Variants in ZNF658 observed in about 807,000 individuals in gnomAD.
ZNF658 encodes the protein zinc finger protein 658.
ZNF658 carries 46 observed loss-of-function variants against 78.0 expected under a neutral mutation model. The observed-to-expected ratio is 0.59, with a 90% CI of 0.47 to 0.75. The LOEUF (loss-of-function observed/expected upper bound fraction) is 0.75, where lower values mean the gene tolerates loss of function less well. Among genes scored for constraint, ZNF658 ranks in the 30% least tolerant of loss-of-function variants. The probability of loss-of-function intolerance (pLI) is 0.00; values close to 1 mark genes in which losing one functional copy is unlikely to be tolerated. For synonymous variants in ZNF658, 279 were observed against 408.4 expected (o/e 0.68, Z 3.82); for missense variants, 785 against 1,189.3 (o/e 0.66, Z 5.00).
chr9:66,908,539 A>G, intron 3 of ZNF658, 100 bp from the exon 4 acceptor site: 2 of 1,466,012 alleles, frequency 1.4e-6, no homozygotes, highest in East Asian at 2.4e-5. Context: ...AAAAATTTCA[A>G]ATGAACACCC....
In ZNF658 at chr9:66,921,340, CAG is replaced by C. The variant is rs1371885096; in HGVS notation, c.*596_*597del. 3 of 152,092 alleles carry C rather than the reference CAG, an allele frequency of 2.0e-5. No individual in the cohort carries two copies. Among genetic ancestry groups the C allele is most frequent in the Non-Finnish European group, 2.9e-5 (2 of 68,126 alleles). 9.4% of individuals were successfully genotyped at this position (152,092 alleles called of 1,614,324 possible). On this transcript the variant is annotated 3_prime_UTR_variant, in exon 5 of 5. Coordinates refer to ENST00000621410, the MANE Select transcript of ZNF658 (RefSeq NM_033160.7). The stretch of plus-strand genomic sequence containing the variant: ...GGATGATCAGGAGCCTTCATTAAAA[CAG>C]AAATTTTAGGGAAAACCACAAAAAC...
Position 66,920,227 on chromosome 9 carries a change from T to G in ZNF658, c.2661T>G (p.Cys887Trp). ...TGEKPYECND[C>W]GKTFSKTSHL... Reference sequence around the variant, plus strand: ...AGAAACCCTATGAATGTAATGACTGTGGGAAGACTTTCTCCAAGACATCAC... The same window carrying G: ...AGAAACCCTATGAATGTAATGACTGGGGGAAGACTTTCTCCAAGACATCAC... Residue 887 changes from cysteine to tryptophan, a missense_variant, in exon 5 of 5, where the codon TGT (cysteine) becomes TGG (tryptophan). Physicochemically the swap from Cys to Trp is radical, Grantham distance 215. Transcript: ENST00000621410. The G allele has an allele frequency of 3.1e-6, 5 of 1,611,618 alleles. No homozygotes were observed. Among genetic ancestry groups the G allele is most frequent in the Non-Finnish European group, 4.2e-6 (5 of 1,179,388 alleles).
intron 2 of ZNF658, 152 bp from the exon 3 acceptor site, chr9:66,908,086 T>C: frequency 7.1e-7 from 1 of 1,406,638 alleles, no homozygotes. Context: ...AAAAATGTTT[T>C]GAGTTACATA....
At chr9:66,906,165 G>C (rs879293065) in intron 2 of ZNF658, among the ~76,000 whole-genome samples, 4 of 134,148 alleles carry the variant, frequency 3.0e-5, no homozygotes, top group Non-Finnish European at 4.7e-5. Flanking sequence ...TTGCCAAAGA[G>C]CCTCATGAGT....
chr9:66,922,152 G>T (rs201077674), downstream of ZNF658, among the ~76,000 whole-genome samples: 28,621 of 134,370 alleles, frequency 0.21, 3,504 homozygotes, highest in Middle Eastern at 0.43. Flanking sequence ...CTCCAAGCCA[G>T]GCACAGGATA....
chr9:66,925,254 A>C (rs1169844501), downstream of ZNF658, among the ~76,000 whole-genome samples: 1 of 149,988 alleles, frequency 6.7e-6, no homozygotes, highest in South Asian at 2.1e-4. Flanking sequence ...AGTTGAAAAA[A>C]TGCAATTTTA....
At chr9:66,910,145 G>C (rs962526299) in intron 4 of ZNF658, among the ~76,000 whole-genome samples, 2 of 152,058 alleles carry the variant, frequency 1.3e-5, no homozygotes, top group African/African-American at 4.8e-5. Context: ...GTTACACTGG[G>C]GGTTAGGGCT....
Position 66,920,991 on chromosome 9 carries a change from T to A in ZNF658, c.*245T>A. On this transcript the variant is annotated 3_prime_UTR_variant, in exon 5 of 5. Transcript: ENST00000621410. ...CAGTCTTCCTGGTTCATAAGATGGA[T>A]TTGGAGGTTATTTCTGCAGCAAACT... 1.8e-6 allele frequency: 1 copy of A among 560,392 alleles called. No homozygotes were observed. Among genetic ancestry groups the A allele is most frequent in the South Asian group, 2.2e-5 (1 of 45,430 alleles). The allele number at this position is 560,392 out of a possible 1,614,324, so 34.7% of individuals were successfully genotyped here.
At chr9:66,908,770 T>C (rs549871640) in intron 4 of ZNF658, 36 bp downstream of exon 4, 3 of 1,596,770 alleles carry the variant, frequency 1.9e-6, no homozygotes, top group East Asian at 4.5e-5. Context: ...CCCCTGGGGG[T>C]ACTTAGTCTT....
At chr9:66,905,706 T>G (rs1430373901) in intron 2 of ZNF658, among the ~76,000 whole-genome samples, 1 of 136,560 alleles carries the variant, frequency 7.3e-6, no homozygotes. Context: ...ACTTTCCAAC[T>G]TTAAAGTTTC....
chr9:66,914,290 C>A (rs1177259959), intron 4 of ZNF658, among the ~76,000 whole-genome samples: 1 of 150,826 alleles, frequency 6.6e-6, no homozygotes, highest in Non-Finnish European at 1.5e-5. Flanking sequence ...AATATTGTTT[C>A]TGTGATTTAA....
At chr9:66,913,977 TC>T (rs1479751521) in intron 4 of ZNF658, among the ~76,000 whole-genome samples, 10 of 102,124 alleles carry the variant, frequency 9.8e-5, no homozygotes, top group Admixed American at 3.6e-4. Context: ...ACTTGATTAC[TC>T]TAGCTTATTA....
intron 6 of ZNF658, among the ~76,000 whole-genome samples, chr9:66,929,532 G>A (rs1002557602): frequency 2.6e-5 from 4 of 151,698 alleles, no homozygotes; most frequent in Admixed American, 1.3e-4. Flanking sequence ...ACTGTGTCTG[G>A]AATGTTTCTT....
At chr9:66,917,253 A>G (rs1822356787) in intron 4 of ZNF658, among the ~76,000 whole-genome samples, 1 of 131,734 alleles carries the variant, frequency 7.6e-6, no homozygotes, top group African/African-American at 3.0e-5. Context: ...GGGATTTTTA[A>G]TTGTAAGAGG....
intron 2 of ZNF658, among the ~76,000 whole-genome samples, chr9:66,907,830 T>G (rs1822114698): frequency 6.6e-6 from 1 of 152,048 alleles, no homozygotes; most frequent in Non-Finnish European, 1.5e-5. Flanking sequence ...GCTCTTCACC[T>G]GCTCTACCCT....
intron 4 of ZNF658, among the ~76,000 whole-genome samples, chr9:66,913,262 C>T (rs28668529): frequency 0.58 from 86,987 of 150,028 alleles, 26,330 homozygotes; most frequent in African/African-American, 0.77. Context: ...CCATCTCTAC[C>T]AAAAGTACAA....
At chr9:66,929,563 T>TG (rs886822595) in intron 6 of ZNF658, among the ~76,000 whole-genome samples, 36 of 152,182 alleles carry the variant, frequency 2.4e-4, no homozygotes, top group African/African-American at 7.0e-4. Context: ...GGTTCTTTAA[T>TG]GCTCCTAATC....
At chr9:66,907,673 T>A (rs1822110209) in intron 2 of ZNF658, among the ~76,000 whole-genome samples, 1 of 152,250 alleles carries the variant, frequency 6.6e-6, no homozygotes, top group South Asian at 2.1e-4. Context: ...CTAGATTGAG[T>A]AGCTGTACAA....
downstream of ZNF658, among the ~76,000 whole-genome samples, chr9:66,922,108 C>T (rs1822536220): frequency 7.9e-6 from 1 of 126,750 alleles, no homozygotes; most frequent in East Asian, 2.3e-4. Flanking sequence ...CACTGCTGTG[C>T]TAGCAGCGAG....
Sources: gnomAD v4.1 joint callset for allele counts (sites outside exome capture counted in the v4.1 genomes callset) on GRCh38, gnomAD v4.1.1 for gene constraint, MANE v1.5 for transcripts, NCBI Gene and HGNC (gene_info 2026-07-23, HGNC 2026-07-21) for gene names.